C1orf21: variants seen among roughly 807,000 people sequenced by gnomAD.
The protein encoded by C1orf21 is chromosome 1 open reading frame 21.
In C1orf21, 3 loss-of-function variants were observed where a neutral mutation model predicts 18.7. The ratio of observed to expected loss-of-function variants is 0.16; its 90% CI spans 0.07 to 0.42. The LOEUF (loss-of-function observed/expected upper bound fraction) is 0.42. Among genes scored for constraint, C1orf21 ranks in the 10% least tolerant of loss-of-function variants. The probability of loss-of-function intolerance (pLI) is 0.99; values close to 1 mark genes in which losing one functional copy is unlikely to be tolerated. For missense variants in C1orf21, 104 were observed against 143.6 expected (o/e 0.72, Z 1.41); for synonymous variants, 41 against 46.4 (o/e 0.88, Z 0.47).
At chr1:184,452,082 C>T (rs1483679163) in intron 1 of C1orf21, among the ~76,000 whole-genome samples, 3 of 152,306 alleles carry the variant, frequency 2.0e-5, no homozygotes, top group African/African-American at 7.2e-5. Flanking sequence ...AAATTTCCTT[C>T]TTAGTAGTGT....
At chr1:184,446,848 G>T (rs1657042483) in intron 1 of C1orf21, among the ~76,000 whole-genome samples, 1 of 145,474 alleles carries the variant, frequency 6.9e-6, no homozygotes, top group Non-Finnish European at 1.5e-5. Context: ...TGATTTTTTC[G>T]TGGTTTTTTT....
intron 3 of C1orf21, chr1:184,567,175 A>G: frequency 2.1e-6 from 1 of 476,478 alleles, no homozygotes; most frequent in South Asian, 1.6e-5. Context: ...GTGAGCTCAC[A>G]GTCCACACCA....
At chr1:184,410,661 A>ATTT (rs1324215272) in intron 1 of C1orf21, among the ~76,000 whole-genome samples, 40 of 6,140 alleles carry the variant, frequency 6.5e-3, no homozygotes, top group South Asian at 9.3e-3. Context: ...ATATATATAT[A>ATTT]TATTTTTTTT....
At chr1:184,418,183 G>C (rs995445332) in intron 1 of C1orf21, among the ~76,000 whole-genome samples, 12 of 151,928 alleles carry the variant, frequency 7.9e-5, no homozygotes, top group African/African-American at 2.7e-4. Context: ...CCACTGTGCT[G>C]AATCAGAGGA....
At chr1:184,513,740 GC>G (rs1229356136) in intron 3 of C1orf21, among the ~76,000 whole-genome samples, 1 of 152,224 alleles carries the variant, frequency 6.6e-6, no homozygotes, top group African/African-American at 2.4e-5. Context: ...TAATATGTAA[GC>G]CAATGAAACA....
chr1:184,540,965 A>G (rs1330962955), intron 3 of C1orf21, among the ~76,000 whole-genome samples: 3 of 152,358 alleles, frequency 2.0e-5, no homozygotes, highest in South Asian at 2.1e-4. Flanking sequence ...ATAATAGCTA[A>G]CAATTGTTGT....
chr1:184,618,513 G>T (rs1659865847), intron 5 of C1orf21, among the ~76,000 whole-genome samples: 1 of 151,990 alleles, frequency 6.6e-6, no homozygotes, highest in South Asian at 2.1e-4. Flanking sequence ...AAATATTTCT[G>T]TTATATAGAT....
At chr1:184,491,500 C>T (rs1180711329) in intron 2 of C1orf21, among the ~76,000 whole-genome samples, 6 of 151,958 alleles carry the variant, frequency 3.9e-5, no homozygotes, top group African/African-American at 1.2e-4. Flanking sequence ...CAGGTGCAAG[C>T]CCCCCATGCC....
At chr1:184,393,584 G>A (rs1020908888) in intron 1 of C1orf21, among the ~76,000 whole-genome samples, 3 of 152,124 alleles carry the variant, frequency 2.0e-5, no homozygotes, top group Admixed American at 6.5e-5. Flanking sequence ...ACTTTGTAAG[G>A]CTCTTAAGCC....
intron 4 of C1orf21, among the ~76,000 whole-genome samples, chr1:184,591,097 A>T (rs1659430457): frequency 6.6e-6 from 1 of 152,188 alleles, no homozygotes; most frequent in African/African-American, 2.4e-5. Flanking sequence ...ACCATTTTAT[A>T]TCAGGGATTT....
intron 1 of C1orf21, among the ~76,000 whole-genome samples, chr1:184,462,650 G>A (rs1326413541): frequency 6.6e-6 from 1 of 151,986 alleles, no homozygotes; most frequent in Non-Finnish European, 1.5e-5. Flanking sequence ...TTTTTTTGGG[G>A]GGGAATACAG....
rs1009467622 is a variant in C1orf21, at chr1:184,600,023, C to T, written c.327+1562C>T. On this transcript the variant is annotated intron_variant, in intron 5 of 5. Coordinates refer to ENST00000235307, the MANE Select transcript of C1orf21 (RefSeq NM_030806.4). Reference sequence around the variant, plus strand: ...TCTTTTCTTCCTTTCTTTATTTGGACTTCCCCCCACTAGCTTTTTGGCAAG... The same window carrying T: ...TCTTTTCTTCCTTTCTTTATTTGGATTTCCCCCCACTAGCTTTTTGGCAAG... 3.9e-5 allele frequency among the ~76,000 whole-genome samples: 6 copies of T among 152,196 alleles called. No homozygotes were observed. In the South Asian group the frequency reaches 1.2e-3, roughly 31 times the overall value.
At chr1:184,549,282 T>G (rs1429762682) in intron 3 of C1orf21, among the ~76,000 whole-genome samples, 1 of 152,118 alleles carries the variant, frequency 6.6e-6, no homozygotes, top group African/African-American at 2.4e-5. Context: ...AAGGGATGAC[T>G]TCTTCTTCCT....
intron 2 of C1orf21, among the ~76,000 whole-genome samples, chr1:184,482,392 A>C (rs1657671666): frequency 6.6e-6 from 1 of 152,212 alleles, no homozygotes; most frequent in African/African-American, 2.4e-5. Flanking sequence ...AAAGCAAGTC[A>C]TAAGACCAGC....
chr1:184,528,118 AAGC>A (rs1557994632), intron 3 of C1orf21, among the ~76,000 whole-genome samples: 1 of 152,194 alleles, frequency 6.6e-6, no homozygotes, highest in African/African-American at 2.4e-5. Flanking sequence ...GAAATCTGCT[AAGC>A]AATAGAAATA....
At chr1:184,396,424 G>C (rs1656051118) in intron 1 of C1orf21, among the ~76,000 whole-genome samples, 1 of 152,072 alleles carries the variant, frequency 6.6e-6, no homozygotes, top group Admixed American at 6.6e-5. Flanking sequence ...GAAAAATTGG[G>C]CAGGAGAGTG....
intron 3 of C1orf21, among the ~76,000 whole-genome samples, chr1:184,576,297 G>A (rs1242405516): frequency 6.6e-6 from 1 of 152,110 alleles, no homozygotes; most frequent in Non-Finnish European, 1.5e-5. Flanking sequence ...GCTAATTTTT[G>A]TATTTTTAGT....
chr1:184,472,427 G>A (rs1174116346), intron 1 of C1orf21, among the ~76,000 whole-genome samples: 4 of 151,990 alleles, frequency 2.6e-5, no homozygotes, highest in Non-Finnish European at 5.9e-5. Context: ...CTTTTAATTC[G>A]TATTTTAGAA....
chr1:184,439,904 T>C (rs1656917967), intron 1 of C1orf21, among the ~76,000 whole-genome samples: 1 of 152,236 alleles, frequency 6.6e-6, no homozygotes, highest in Admixed American at 6.5e-5. Flanking sequence ...AATGATTTAT[T>C]TAGGTTTTTG....
Sources: gnomAD v4.1 joint callset for allele counts (sites outside exome capture counted in the v4.1 genomes callset) on GRCh38, gnomAD v4.1.1 for gene constraint, MANE v1.5 for transcripts, NCBI Gene and HGNC (gene_info 2026-07-23, HGNC 2026-07-21) for gene names.